SYT1: variants seen among roughly 807,000 people sequenced by gnomAD.
SYT1 encodes the protein synaptotagmin-1.
In SYT1, 8 loss-of-function variants were observed where a neutral mutation model predicts 44.8. The ratio of observed to expected loss-of-function variants is 0.18; its 90% CI spans 0.10 to 0.32. SYT1 has a LOEUF of 0.32. Among genes scored for constraint, SYT1 ranks in the 10% least tolerant of loss-of-function variants. The pLI is 1.00. For synonymous variants in SYT1, 154 were observed against 188.8 expected (o/e 0.82, Z 1.51); for missense variants, 286 against 509.3 (o/e 0.56, Z 4.22).
At chr12:79,021,761 C>A (rs1872210813) in intron 2 of SYT1, among the ~76,000 whole-genome samples, 1 of 151,660 alleles carries the variant, frequency 6.6e-6, no homozygotes, top group Non-Finnish European at 1.5e-5. Flanking sequence ...CAAACCTAGG[C>A]TTTTTAAGAA....
intron 3 of SYT1, among the ~76,000 whole-genome samples, chr12:79,162,499 A>G (rs1871008437): frequency 6.6e-6 from 1 of 152,128 alleles, no homozygotes; most frequent in Admixed American, 6.6e-5. Flanking sequence ...TGTTCCTCTT[A>G]AAATATGACA....
intron 3 of SYT1, among the ~76,000 whole-genome samples, chr12:79,214,816 A>C (rs1013264876): frequency 6.6e-6 from 1 of 152,204 alleles, no homozygotes; most frequent in African/African-American, 2.4e-5. Context: ...ACAGTAAGCC[A>C]TAAGTCCTCA....
intron 9 of SYT1, among the ~76,000 whole-genome samples, chr12:79,378,880 A>T (rs1329971006): frequency 6.6e-6 from 1 of 152,200 alleles, no homozygotes; most frequent in Non-Finnish European, 1.5e-5. Context: ...AAATTAGGAA[A>T]GTTTTTCTAT....
intron 9 of SYT1, among the ~76,000 whole-genome samples, chr12:79,386,456 C>T (rs910488685): frequency 4.6e-5 from 7 of 151,900 alleles, no homozygotes; most frequent in African/African-American, 1.7e-4. Context: ...CACCCATCAA[C>T]CCATCATCTA....
chr12:79,057,402 AC>A (rs538929598), intron 3 of SYT1, among the ~76,000 whole-genome samples: 13 of 151,122 alleles, frequency 8.6e-5, no homozygotes, highest in South Asian at 2.1e-4. Context: ...AACTCATATG[AC>A]CCCCCCCAAA....
At chr12:79,205,845 T>C (rs1172081099) in intron 3 of SYT1, among the ~76,000 whole-genome samples, 1 of 152,234 alleles carries the variant, frequency 6.6e-6, no homozygotes, top group Non-Finnish European at 1.5e-5. Flanking sequence ...ATAATTGTAA[T>C]TGATCTTCTG....
At chr12:79,058,758 A>T (rs573829190) in intron 3 of SYT1, among the ~76,000 whole-genome samples, 131 of 152,138 alleles carry the variant, frequency 8.6e-4, no homozygotes, top group Non-Finnish European at 1.7e-3. Flanking sequence ...GTATGGGTGA[A>T]GATATTTGGA....
At chr12:79,076,212 G>A (rs757410617) in intron 3 of SYT1, among the ~76,000 whole-genome samples, 82 of 152,184 alleles carry the variant, frequency 5.4e-4, no homozygotes, top group South Asian at 2.5e-3. Flanking sequence ...TCTCCTCTGT[G>A]TCCCTGTTCC....
At chr12:79,396,327 T>C (rs2136105294) in intron 9 of SYT1, among the ~76,000 whole-genome samples, 1 of 152,254 alleles carries the variant, frequency 6.6e-6, no homozygotes, top group East Asian at 1.9e-4. Flanking sequence ...CTTCAGCATA[T>C]TGCAAGTAAA....
At chr12:79,223,845 T>G (rs1254629702) in intron 4 of SYT1, among the ~76,000 whole-genome samples, 8 of 152,272 alleles carry the variant, frequency 5.3e-5, no homozygotes. Context: ...GTACTGAGTT[T>G]TACTGTGCAG....
intron 3 of SYT1, among the ~76,000 whole-genome samples, chr12:79,149,441 A>G (rs993277048): frequency 3.3e-5 from 5 of 152,300 alleles, no homozygotes; most frequent in Non-Finnish European, 5.9e-5. Flanking sequence ...ACTAAAATGA[A>G]TCATTTGCAT....
chr12:79,298,489 A>G (rs916806245), intron 7 of SYT1, among the ~76,000 whole-genome samples: 9 of 152,148 alleles, frequency 5.9e-5, no homozygotes, highest in African/African-American at 2.2e-4. Flanking sequence ...TAAGACAACC[A>G]TTTACACTGA....
intron 2 of SYT1, among the ~76,000 whole-genome samples, chr12:79,025,600 C>T (rs1872475953): frequency 6.6e-6 from 1 of 151,508 alleles, no homozygotes; most frequent in Admixed American, 6.6e-5. Flanking sequence ...CATACACACA[C>T]ATATAACACA....
At chr12:79,390,844 A>G (rs971256225) in intron 9 of SYT1, among the ~76,000 whole-genome samples, 2 of 152,064 alleles carry the variant, frequency 1.3e-5, no homozygotes, top group African/African-American at 4.8e-5. Context: ...CTCACTGCTG[A>G]TTGTCTAAAT....
chr12:78,894,532 A>C (rs569966926), intron 1 of SYT1, among the ~76,000 whole-genome samples: 237 of 151,406 alleles, frequency 1.6e-3, no homozygotes, highest in Non-Finnish European at 2.9e-3. Flanking sequence ...TACGCATCAA[A>C]ATAATAGGAT....
chr12:79,170,691 C>T (rs1232571110), intron 3 of SYT1, among the ~76,000 whole-genome samples: 1 of 152,032 alleles, frequency 6.6e-6, no homozygotes, highest in Non-Finnish European at 1.5e-5. Context: ...TGTGCAGAAG[C>T]TCTTTAGTTT....
intron 1 of SYT1, among the ~76,000 whole-genome samples, chr12:78,949,666 C>T (rs985570633): frequency 6.6e-6 from 1 of 151,836 alleles, no homozygotes; most frequent in Non-Finnish European, 1.5e-5. Context: ...GAAGAGAATT[C>T]AAAGGAGGCA....
At position 79,045,155 on chromosome 12, in the gene SYT1, C is replaced by G. The variant is rs554050497; in HGVS notation, c.-83-2142C>G. Among the ~76,000 whole-genome samples the G allele has an allele frequency of 3.7e-3, 557 of 152,304 alleles. 4 individuals carry two copies. Among genetic ancestry groups the G allele is most frequent in the African/African-American group, 0.013 (543 of 41,574 alleles). On this transcript the variant is annotated intron_variant, in intron 2 of 10. Transcript: ENST00000261205. ...GAGCTGTGGTGGGCTCCACCCAGTT[C>G]GAGCTTCCCGGCTGCTTTGTTTACC...
chr12:78,939,256 G>A (rs1878226875), intron 1 of SYT1, among the ~76,000 whole-genome samples: 1 of 152,136 alleles, frequency 6.6e-6, no homozygotes, highest in African/African-American at 2.4e-5. Flanking sequence ...AAAGAGAATC[G>A]AGTTTTCATA....
Sources: allele counts gnomAD v4.1 joint callset (sites outside exome capture counted in the v4.1 genomes callset), GRCh38; gene constraint gnomAD v4.1.1; transcripts MANE v1.5; gene names NCBI Gene and HGNC (gene_info 2026-07-23, HGNC 2026-07-21).